Variants in MID1 observed in about 807,000 individuals in gnomAD.
MID1 encodes midline 1.
In MID1, 7 loss-of-function variants were observed where a neutral mutation model predicts 40.4. That is an observed-to-expected ratio of 0.17 (90% CI 0.10 to 0.33). The LOEUF (loss-of-function observed/expected upper bound fraction) is 0.33, where lower values mean the gene tolerates loss of function less well. Ranked by LOEUF, MID1 falls within the 10% of genes least tolerant of loss-of-function variation. MID1 has a pLI of 1.00. For missense variants in MID1, 367 were observed against 558.5 expected, an observed-to-expected ratio of 0.66 and a Z score of 3.46; for synonymous variants, 229 against 221.2, an observed-to-expected ratio of 1.04 and a Z score of -0.31.
intron 1 of MID1, among the ~76,000 whole-genome samples, chrX:10,602,225 C>CTTTTTTTTTTT (rs56897260): frequency 0.012 from 999 of 83,389 alleles, 52 homozygotes; most frequent in African/African-American, 0.046. Context: ...TAGTTTCTGA[C>CTTTTTTTTTTT]TTTTTTTTTT....
chrX:10,604,378 TA>T (rs1188007468), intron 1 of MID1, among the ~76,000 whole-genome samples: 2 of 111,461 alleles, frequency 1.8e-5, no homozygotes, highest in African/African-American at 6.5e-5. Context: ...TACAAGAAAA[TA>T]ATGAGCCACA....
chrX:10,490,469 C>A (rs1195266608), intron 4 of MID1, among the ~76,000 whole-genome samples: 2 of 111,418 alleles, frequency 1.8e-5, no homozygotes, highest in Non-Finnish European at 3.8e-5. Flanking sequence ...ATCCCTCCTA[C>A]TCTGGGATCA....
intron 3 of MID1, among the ~76,000 whole-genome samples, chrX:10,511,015 C>A (rs923166401): frequency 9.2e-6 from 1 of 108,732 alleles, no homozygotes; most frequent in Admixed American, 9.9e-5. Flanking sequence ...GAGGCCAAGG[C>A]GGGCAGATCA....
intron 1 of MID1, among the ~76,000 whole-genome samples, chrX:10,717,864 A>T (rs1602534662): frequency 8.9e-6 from 1 of 112,001 alleles, no homozygotes; most frequent in East Asian, 2.8e-4. Context: ...CCACAGTGCA[A>T]TCAAACTAGA....
chrX:10,819,976 C>T (rs888975095), intron 1 of MID1, among the ~76,000 whole-genome samples: 3 of 111,926 alleles, frequency 2.7e-5, no homozygotes, highest in Non-Finnish European at 5.6e-5. Context: ...AATCTGGGAT[C>T]ATAATTGATG....
At position 10,704,735 on chromosome X, in the gene MID1, T is replaced by TAC. The variant is rs1449236211; in HGVS notation, c.-186-84317_-186-84316insGT. ...GTGTGTGTATATATATATATATATA[T>TAC]ATATACACACACACACACACACACA... On this transcript the variant is annotated intron_variant, in intron 1 of 10. Transcript: ENST00000380785. Among the ~76,000 whole-genome samples the TAC allele has an allele frequency of 5.2e-3, 445 of 84,840 alleles. 3 individuals carry two copies. The highest frequency in any genetic ancestry group is 0.023 in the African/African-American group (415 of 17,765). The allele number at this position is 84,840 out of a possible 115,157, so 73.7% of individuals were successfully genotyped here.
chrX:10,639,210 T>C (rs1024538652), intron 1 of MID1, among the ~76,000 whole-genome samples: 1 of 111,738 alleles, frequency 8.9e-6, no homozygotes, highest in Admixed American at 9.5e-5. Flanking sequence ...AATAACAAAC[T>C]TCTCCGAGCT....
chrX:10,547,892 G>A (rs1470726912), intron 2 of MID1, among the ~76,000 whole-genome samples: 2 of 110,730 alleles, frequency 1.8e-5, no homozygotes, highest in African/African-American at 6.6e-5. Flanking sequence ...AGGTTGGTAG[G>A]ACCGCAAATC....
chrX:10,734,280 C>T (rs748260023), intron 1 of MID1, among the ~76,000 whole-genome samples: 3 of 111,316 alleles, frequency 2.7e-5, no homozygotes, highest in East Asian at 2.8e-4. Context: ...AGCAAACTAA[C>T]GCAGGAACAG....
chrX:10,670,444 A>T (rs2042980591), intron 1 of MID1, among the ~76,000 whole-genome samples: 1 of 111,939 alleles, frequency 8.9e-6, no homozygotes, highest in Non-Finnish European at 1.9e-5. Flanking sequence ...TGTAAAAAAA[A>T]ATAAGTTTAC....
intron 2 of MID1, among the ~76,000 whole-genome samples, chrX:10,566,532 C>CCTCTCTCTCTCTCTCTCTCTCTCTCT (rs773613255): frequency 5.7e-5 from 3 of 52,861 alleles, no homozygotes; most frequent in African/African-American, 1.8e-4. Flanking sequence ...CCTCTCTCTC[C>CCTCTCTCTCTCTCTCTCTCTCTCTCT]CTCTCTCTCT....
intron 1 of MID1, among the ~76,000 whole-genome samples, chrX:10,827,352 T>G (rs1021670458): frequency 9.0e-6 from 1 of 110,852 alleles, no homozygotes; most frequent in Admixed American, 9.7e-5. Context: ...CAGGCATTAT[T>G]TTAAAACAAG....
chrX:10,728,523 T>C (rs1225420732), intron 1 of MID1, among the ~76,000 whole-genome samples: 2 of 112,483 alleles, frequency 1.8e-5, no homozygotes, highest in Non-Finnish European at 3.8e-5. Context: ...TTTGCTTCTA[T>C]TATATTAATA....
intron 1 of MID1, among the ~76,000 whole-genome samples, chrX:10,711,310 C>A (rs974363731): frequency 8.9e-6 from 1 of 112,085 alleles, no homozygotes; most frequent in African/African-American, 3.2e-5. Flanking sequence ...GTGAGAGGAA[C>A]TTCAGAGCTC....
chrX:10,733,691 G>A lies in MID1; in HGVS notation c.-187+99863C>T, dbSNP rs757697823. 3.6e-5 allele frequency among the ~76,000 whole-genome samples: 4 copies of A among 111,461 alleles called. No individual in the cohort carries two copies. The South Asian group carries it at 1.5e-3, about 42-fold the overall frequency. On this transcript the variant is annotated intron_variant, in intron 1 of 10. Coordinates refer to the MID1 transcript ENST00000380785. ...TGTGAACAGAAACTTCTTAATGGAA[G>A]GCATATGAATTACCAATAAGCACAG...
chrX:10,748,582 C>A (rs2043577175), intron 1 of MID1, among the ~76,000 whole-genome samples: 1 of 111,071 alleles, frequency 9.0e-6, no homozygotes, highest in African/African-American at 3.3e-5. Flanking sequence ...TTAATCCGAC[C>A]CCAAAAGCTA....
chrX:10,669,316 C>T (rs2042974211), intron 1 of MID1, among the ~76,000 whole-genome samples: 1 of 109,771 alleles, frequency 9.1e-6, no homozygotes, highest in Admixed American at 9.7e-5. Context: ...CAAACTTTCC[C>T]TTTCAACATC....
At chrX:10,559,143 A>T (rs1263751133) in intron 2 of MID1, among the ~76,000 whole-genome samples, 1 of 112,508 alleles carries the variant, frequency 8.9e-6, no homozygotes, top group Non-Finnish European at 1.9e-5. Context: ...ACATTTTACA[A>T]ATATTTGGAA....
rs558544325 is a variant in MID1, at chrX:10,703,919, C to T, written c.-186-83500G>A. On this transcript the variant is annotated intron_variant, in intron 1 of 10. Transcript: ENST00000380785. ...GAAAATCAACACATACTGACTAATG[C>T]CAATTCCGTTTCATCTCCAGTGTCT... Among the ~76,000 whole-genome samples the T allele has an allele frequency of 4.2e-4, 47 of 112,013 alleles. No individual in the cohort carries two copies. In the South Asian group the frequency reaches 0.017, roughly 40 times the overall value.
Sources: allele counts gnomAD v4.1 joint callset (sites outside exome capture counted in the v4.1 genomes callset), GRCh38; gene constraint gnomAD v4.1.1; transcripts MANE v1.5; gene names NCBI Gene and HGNC (gene_info 2026-07-23, HGNC 2026-07-21).